Variants in PHLPP1 observed in about 807,000 individuals in gnomAD.
PHLPP1 encodes the protein PH domain leucine-rich repeat-containing protein phosphatase 1.
Under a neutral mutation model 117.2 loss-of-function variants are expected in PHLPP1, and 42 were observed. The ratio of observed to expected loss-of-function variants is 0.36; its 90% CI spans 0.28 to 0.46. PHLPP1 has a LOEUF of 0.46. PHLPP1 is among the 20% of genes least tolerant of loss of function. PHLPP1 has a pLI of 1.00. For synonymous variants in PHLPP1, 1,042 were observed against 970.7 expected, an observed-to-expected ratio of 1.07 and a Z score of -1.37; for missense variants, 2,084 against 2,241.9, an observed-to-expected ratio of 0.93 and a Z score of 1.42.
chr18:62,760,527 G>T (rs2144247527), intron 1 of PHLPP1, among the ~76,000 whole-genome samples: 1 of 152,286 alleles, frequency 6.6e-6, no homozygotes, highest in South Asian at 2.1e-4. Context: ...TTGAATCCTG[G>T]TTTCACCGTT....
intron 4 of PHLPP1, among the ~76,000 whole-genome samples, chr18:62,884,030 C>G (rs1485706215): frequency 6.6e-6 from 1 of 152,152 alleles, no homozygotes; most frequent in African/African-American, 2.4e-5. Context: ...AGAATTGTAA[C>G]AGCAGAAAAA....
intron 1 of PHLPP1, among the ~76,000 whole-genome samples, chr18:62,738,119 G>A (rs766899675): frequency 1.3e-5 from 2 of 151,040 alleles, no homozygotes; most frequent in African/African-American, 2.4e-5. Context: ...ACCACAGACC[G>A]AAAATATTCA....
At chr18:62,781,376 C>T (rs963629662) in intron 1 of PHLPP1, among the ~76,000 whole-genome samples, 4 of 152,182 alleles carry the variant, frequency 2.6e-5, no homozygotes, top group African/African-American at 4.8e-5. Context: ...ACCAGGGCCT[C>T]GCCATGGACA....
At chr18:62,886,096 G>T (rs1011560540) in intron 4 of PHLPP1, among the ~76,000 whole-genome samples, 3 of 152,130 alleles carry the variant, frequency 2.0e-5, no homozygotes, top group Admixed American at 6.6e-5. Flanking sequence ...ATAAACGTAC[G>T]GTGTCATTAT....
chr18:62,966,245 G>A (rs977188366), intron 14 of PHLPP1, among the ~76,000 whole-genome samples: 1 of 151,990 alleles, frequency 6.6e-6, no homozygotes, highest in Non-Finnish European at 1.5e-5. Context: ...CCCTATTTAA[G>A]TGTTAACTAC....
intron 12 of PHLPP1, among the ~76,000 whole-genome samples, chr18:62,955,925 G>A (rs1910598351): frequency 6.6e-6 from 1 of 152,056 alleles, no homozygotes. Flanking sequence ...CTATGCTGAT[G>A]TGTACTGACT....
At chr18:62,726,260 C>T (rs1445033672) in intron 1 of PHLPP1, among the ~76,000 whole-genome samples, 3 of 151,068 alleles carry the variant, frequency 2.0e-5, no homozygotes, top group Non-Finnish European at 4.4e-5. Context: ...AAAAAATTTG[C>T]AGTTAATTTT....
In PHLPP1 at chr18:62,979,053, T is replaced by C; in HGVS notation, c.4776T>C (p.Asp1592=). ...TTCAGGTGCCAGCAGAGGCCAGTGA[T>C]GAGGGCATTGTCATCAGCGCCAACG... The part of the protein sequence containing the change: ...HLLQVPAEAS[D]EGIVISANED... Residue 1592 remains aspartate (D), a synonymous_variant, in exon 17 of 17, where the codon GAT becomes GAC. Coordinates refer to ENST00000262719, the MANE Select transcript of PHLPP1 (RefSeq NM_194449.4). The C allele has an allele frequency of 5.0e-6, 8 of 1,613,810 alleles. No individual in the cohort carries two copies. Among genetic ancestry groups the C allele is most frequent in the Non-Finnish European group, 6.8e-6 (8 of 1,179,812 alleles).
chr18:62,808,978 C>T (rs913779773), intron 1 of PHLPP1, among the ~76,000 whole-genome samples: 1 of 152,118 alleles, frequency 6.6e-6, no homozygotes, highest in Non-Finnish European at 1.5e-5. Context: ...GGGCTGGAAT[C>T]TGTGTTGTTG....
intron 1 of PHLPP1, among the ~76,000 whole-genome samples, chr18:62,756,822 G>C (rs1599028226): frequency 6.6e-6 from 1 of 152,220 alleles, no homozygotes; most frequent in African/African-American, 2.4e-5. Context: ...GTTGGAGTTA[G>C]GGGCAGGGTT....
At chr18:62,939,719 G>T (rs1219990468) in intron 10 of PHLPP1, among the ~76,000 whole-genome samples, 2 of 151,308 alleles carry the variant, frequency 1.3e-5, no homozygotes, top group Non-Finnish European at 2.9e-5. Flanking sequence ...CTTTTCCTCA[G>T]ATAAGTAATG....
At chr18:62,725,666 G>T (rs1000014501) in intron 1 of PHLPP1, among the ~76,000 whole-genome samples, 5 of 152,010 alleles carry the variant, frequency 3.3e-5, no homozygotes, top group Non-Finnish European at 7.4e-5. Context: ...GAAATATCCT[G>T]CTCTCATTAG....
rs1914485252 is a variant in PHLPP1 at position 62,822,277 on chromosome 18, T to TTG, written c.1577-7757_1577-7756insGT. ...TGTAGAAAATAGTGTTTTTTTTTTT[T>TTG]TTGTTTTTGTTTTTTTTTTTTTGAG... On this transcript the variant is annotated intron_variant, in intron 1 of 16. Transcript: ENST00000262719. Among the ~76,000 whole-genome samples the TTG allele has an allele frequency of 2.7e-5, 4 of 145,792 alleles. 1 individual carries two copies. The highest frequency in any genetic ancestry group is 1.0e-4 in the African/African-American group (4 of 39,676).
At chr18:62,862,420 T>C (rs1050309901) in intron 4 of PHLPP1, among the ~76,000 whole-genome samples, 38 of 152,160 alleles carry the variant, frequency 2.5e-4, no homozygotes, top group African/African-American at 9.2e-4. Flanking sequence ...CTTTTAAGTA[T>C]TGGGATGTTG....
Position 62,716,913 on chromosome 18 carries a change from T to A in PHLPP1, c.1230T>A (p.Ala410=). The change falls in exon 1 of 17, where the codon GCT becomes GCA. Residue 410 remains alanine, a synonymous_variant. Coordinates refer to ENST00000262719, the MANE Select transcript of PHLPP1 (RefSeq NM_194449.4). The surrounding 1 kb of genome is among the most constrained non-coding windows in gnomAD (Gnocchi z 5.7). The part of the protein sequence containing the change: ...PAQPLPLPQT[A]SSPQPQQKAP... Reference sequence around the variant, plus strand: ...AGCCCCTCCCGCTTCCCCAGACGGCTTCCTCGCCTCAGCCGCAGCAGAAAG... The same window carrying A: ...AGCCCCTCCCGCTTCCCCAGACGGCATCCTCGCCTCAGCCGCAGCAGAAAG... 1 of 1,533,006 alleles carries A rather than the reference T, an allele frequency of 6.5e-7. No individual in the cohort carries two copies. Among genetic ancestry groups the A allele is most frequent in the Non-Finnish European group, 8.7e-7 (1 of 1,145,088 alleles). The allele number at this position is 1,533,006 out of a possible 1,614,324, so 95.0% of individuals were successfully genotyped here.
rs1377000283 is a variant in PHLPP1 at position 62,979,442 on chromosome 18, C to T, written c.*11C>T. The T allele has an allele frequency of 6.5e-7, 1 of 1,548,654 alleles. No individual in the cohort carries two copies. Among genetic ancestry groups the T allele is most frequent in the East Asian group, 2.4e-5 (1 of 40,876 alleles). ...GACACGCCACTATGACCCAGCCGAG[C>T]TGTTTAACAAATAAACTAACCACAA... On this transcript the variant is annotated 3_prime_UTR_variant, in exon 17 of 17. Coordinates refer to ENST00000262719, the MANE Select transcript of PHLPP1 (RefSeq NM_194449.4).
chr18:62,747,865 A>T (rs1009951441), intron 1 of PHLPP1, among the ~76,000 whole-genome samples: 1 of 152,074 alleles, frequency 6.6e-6, no homozygotes, highest in African/African-American at 2.4e-5. Context: ...GGTCATTTTG[A>T]TGTTTTCAAA....
chr18:62,967,682 T>G (rs1910942180), intron 14 of PHLPP1, among the ~76,000 whole-genome samples: 1 of 152,168 alleles, frequency 6.6e-6, no homozygotes, highest in South Asian at 2.1e-4. Context: ...TGTCATAGAC[T>G]TTTTCTGTAT....
At chr18:62,738,157 G>A (rs535980571) in intron 1 of PHLPP1, among the ~76,000 whole-genome samples, 3 of 151,584 alleles carry the variant, frequency 2.0e-5, no homozygotes, top group Non-Finnish European at 2.9e-5. Context: ...AAAAATAATA[G>A]CCTAGGTAAC....
Sources: gnomAD v4.1 joint callset for allele counts (sites outside exome capture counted in the v4.1 genomes callset) on GRCh38, gnomAD v4.1.1 for gene constraint, Gnocchi (gnomAD v3.1) non-coding constraint, MANE v1.5 for transcripts, NCBI Gene and HGNC (gene_info 2026-07-23, HGNC 2026-07-21) for gene names.